The following WDFY3 variants were observed in gnomAD, a reference collection of about 807,000 sequenced individuals.
The protein encoded by WDFY3 is WD repeat and FYVE domain-containing protein 3.
WDFY3 carries 66 observed loss-of-function variants against 409.6 expected under a neutral mutation model. That is an observed-to-expected ratio of 0.16 (90% CI 0.13 to 0.20). The LOEUF is 0.20. WDFY3 is among the 10% of genes least tolerant of loss of function. The pLI, the probability that WDFY3 is intolerant of heterozygous loss-of-function variation, is 1.00. For missense variants in WDFY3, 3,031 were observed against 4,298.1 expected (o/e 0.71, Z 8.24); for synonymous variants, 1,521 against 1,537.1 (o/e 0.99, Z 0.25).
chr4:84,697,188 T>G (rs1414163011), intron 56 of WDFY3, among the ~76,000 whole-genome samples: 4 of 152,196 alleles, frequency 2.6e-5, no homozygotes, highest in Non-Finnish European at 5.9e-5. Context: ...ACACAAAATG[T>G]CTGAAATTTA....
intron 2 of WDFY3, among the ~76,000 whole-genome samples, chr4:84,918,235 GAA>G (rs1443181898): frequency 2.0e-5 from 3 of 152,128 alleles, no homozygotes; most frequent in African/African-American, 7.2e-5. Context: ...CCAGCAGTAT[GAA>G]AAGACACAAG....
intron 67 of WDFY3, among the ~76,000 whole-genome samples, chr4:84,675,303 G>C (rs1726087622): frequency 6.6e-6 from 1 of 152,132 alleles, no homozygotes; most frequent in Admixed American, 6.6e-5. Context: ...AGAGCCACTA[G>C]ACAGAATCCT....
chr4:84,945,981 G>A (rs780887456), intron 1 of WDFY3, among the ~76,000 whole-genome samples: 1 of 152,112 alleles, frequency 6.6e-6, no homozygotes, highest in Non-Finnish European at 1.5e-5. Flanking sequence ...TCAAGGAGAA[G>A]ACAGGTTGCT....
chr4:84,925,667 AAC>A (rs1769881859), intron 2 of WDFY3, among the ~76,000 whole-genome samples: 1 of 152,218 alleles, frequency 6.6e-6, no homozygotes, highest in Admixed American at 6.5e-5. Context: ...GACTGAATTT[AAC>A]ACAGTATTAT....
At chr4:84,820,326 C>T (rs1042044614) in intron 11 of WDFY3, 140 bp from the exon 12 acceptor site, 16 of 549,482 alleles carry the variant, frequency 2.9e-5, no homozygotes, top group Middle Eastern at 1.1e-3. Context: ...ATCTTTAAAA[C>T]GATGCATGCA....
At chr4:84,799,955 T>C (rs1750207724) in intron 17 of WDFY3, among the ~76,000 whole-genome samples, 1 of 152,202 alleles carries the variant, frequency 6.6e-6, no homozygotes, top group Non-Finnish European at 1.5e-5. Flanking sequence ...TCTGGTAAAA[T>C]AGTAGCATTA....
chr4:84,696,849 A>T (rs376818121), intron 56 of WDFY3, 26 bp from the exon 57 acceptor site: 52 of 1,389,456 alleles, frequency 3.7e-5, no homozygotes, highest in South Asian at 3.4e-4. Context: ...CATTAAAAAT[A>T]AAAAAAAAGA....
chr4:84,759,738 T>C (rs1376080605), intron 32 of WDFY3, among the ~76,000 whole-genome samples: 31 of 151,486 alleles, frequency 2.0e-4, no homozygotes, highest in Non-Finnish European at 3.4e-4. Context: ...TATACAATCA[T>C]GTCGTCTGCA....
chr4:84,715,541 A>G (rs1024199955), intron 49 of WDFY3, among the ~76,000 whole-genome samples, 158 bp from the exon 50 acceptor site: 38 of 152,022 alleles, frequency 2.5e-4, no homozygotes, highest in Admixed American at 1.9e-3. Flanking sequence ...TTGGGAGGCC[A>G]AGGCGGGTGG....
chr4:84,919,741 G>C (rs927918956), intron 2 of WDFY3, among the ~76,000 whole-genome samples: 7 of 152,092 alleles, frequency 4.6e-5, no homozygotes, highest in African/African-American at 1.7e-4. Flanking sequence ...CACCATGATT[G>C]TAAGTTTCCT....
intron 19 of WDFY3, among the ~76,000 whole-genome samples, 171 bp downstream of exon 19, chr4:84,796,346 AAAAT>A (rs1749439448): frequency 6.6e-6 from 1 of 152,178 alleles, no homozygotes; most frequent in Admixed American, 6.5e-5. Context: ...ATAACAAACA[AAAAT>A]AATTAAATGT....
In WDFY3 at chr4:84,778,628, G is replaced by A. The variant is rs1447102050; in HGVS notation, c.4393C>T (p.Arg1465Cys). ...AGGATGTGGCTGTTAAGAAGGGAACGTTTCTTCTTAAGCAACATTGCCAGC... is the reference window on the plus strand; with the variant it reads ...AGGATGTGGCTGTTAAGAAGGGAACATTTCTTCTTAAGCAACATTGCCAGC... Reference protein sequence around the residue: ...QLLAMLLKKKRSLLNSHILHL... With the variant: ...QLLAMLLKKKCSLLNSHILHL... Residue 1465 changes from arginine to cysteine, a missense_variant, in exon 27 of 68, where the codon CGT (arginine) becomes TGT (cysteine). Physicochemically the swap from Arg to Cys is radical, Grantham distance 180. Transcript: ENST00000295888. 1.2e-6 allele frequency: 2 copies of A among 1,609,814 alleles called. No individual in the cohort carries two copies. Among genetic ancestry groups the A allele is most frequent in the Non-Finnish European group, 1.7e-6 (2 of 1,178,934 alleles).
In WDFY3 at chr4:84,716,941, T is replaced by A; in HGVS notation, c.7830A>T (p.Ala2610=). 2 of 1,608,044 alleles carry A rather than the reference T, an allele frequency of 1.2e-6. No homozygotes were observed. The highest frequency in any genetic ancestry group is 2.3e-5 in the East Asian group (1 of 44,406). The change falls in exon 49 of 68, where the codon GCA becomes GCT. Residue 2610 remains alanine (A), a synonymous_variant. Transcript: ENST00000295888. ...TATGAACTTCCTTGATATCTTCATA[T>A]GCAAAAATGCTGCATGTTCTCTTGA... The part of the protein sequence containing the change: ...SQLKRTCSIF[A]YEDIKEVHKR...
chr4:84,688,038 C>T (rs1436542707), intron 62 of WDFY3, 48 bp downstream of exon 62: 1 of 1,574,680 alleles, frequency 6.4e-7, no homozygotes, highest in East Asian at 2.2e-5. Context: ...TTGAGTTTGG[C>T]CAAGACTACT....
chr4:84,789,863 A>T lies in WDFY3; in HGVS notation c.3532T>A (p.Cys1178Ser). The T allele has an allele frequency of 6.2e-7, 1 of 1,614,148 alleles. No homozygotes were observed. Among genetic ancestry groups the T allele is most frequent in the South Asian group, 1.1e-5 (1 of 91,080 alleles). ...EESSFYEILP[C>S]CARFRCGELI... ...TCTCCACATCGAAAGCGAGCACAGCATGGGAGAATTTCATAAAATGAGGAC... is the reference window on the plus strand; with the variant it reads ...TCTCCACATCGAAAGCGAGCACAGCTTGGGAGAATTTCATAAAATGAGGAC... Residue 1178 changes from cysteine to serine, a missense_variant, in exon 22 of 68, where the codon TGC becomes AGC. Around this residue, in one of 16 missense-constraint regions of WDFY3, gnomAD observed 1,322 missense variants for 1,697.9 expected, o/e 0.78. Transcript: ENST00000295888.
intron 2 of WDFY3, among the ~76,000 whole-genome samples, chr4:84,897,405 A>C (rs1765783570): frequency 6.6e-6 from 1 of 151,734 alleles, no homozygotes; most frequent in Non-Finnish European, 1.5e-5. Flanking sequence ...TTTTTGAGAC[A>C]CAGTTTCACT....
intron 4 of WDFY3, 138 bp downstream of exon 4, chr4:84,860,274 A>G: frequency 1.0e-6 from 1 of 986,932 alleles, no homozygotes; most frequent in African/African-American, 1.6e-5. Flanking sequence ...GCAAATTGAA[A>G]ACATGAAACG....
chr4:84,730,332 G>A (rs1017711024), intron 44 of WDFY3, among the ~76,000 whole-genome samples: 10 of 152,160 alleles, frequency 6.6e-5, no homozygotes, highest in Non-Finnish European at 1.2e-4. Context: ...ACTTAGGGAA[G>A]ACAAGAGTGC....
At chr4:84,952,012 C>T (rs1012144186) in intron 1 of WDFY3, among the ~76,000 whole-genome samples, 1 of 152,142 alleles carries the variant, frequency 6.6e-6, no homozygotes, top group African/African-American at 2.4e-5. Flanking sequence ...AAGAAAGACA[C>T]AATACTCTTT....
Sources: allele counts gnomAD v4.1 joint callset (sites outside exome capture counted in the v4.1 genomes callset), GRCh38; gene constraint gnomAD v4.1.1; regional missense constraint gnomAD v4.1.1; transcripts MANE v1.5; gene names NCBI Gene and HGNC (gene_info 2026-07-23, HGNC 2026-07-21).